GABRR1: variants seen among roughly 807,000 people sequenced by gnomAD.
GABRR1 encodes gamma-aminobutyric acid receptor subunit rho-1.
A neutral mutation model predicts 55.5 loss-of-function variants in GABRR1; 59 were observed. That is an observed-to-expected ratio of 1.06 (90% confidence interval 0.86 to 1.32). The LOEUF (loss-of-function observed/expected upper bound fraction) is 1.32, where lower values mean the gene tolerates loss of function less well. GABRR1 is among the 40% of genes most tolerant of loss of function. The pLI, the probability that GABRR1 is intolerant of heterozygous loss-of-function variation, is 0.00. For missense variants in GABRR1, 602 were observed against 619.1 expected (o/e 0.97, Z 0.29); for synonymous variants, 213 against 226.0 (o/e 0.94, Z 0.51).
At chr6:89,229,479 A>T (rs958429885) in intron 1 of GABRR1, among the ~76,000 whole-genome samples, 1 of 148,770 alleles carries the variant, frequency 6.7e-6, no homozygotes, top group Non-Finnish European at 1.5e-5. Flanking sequence ...ATCTCTCAGC[A>T]TTTGCTTGTC....
chr6:89,225,014 C>T (rs1285611225), intron 1 of GABRR1, among the ~76,000 whole-genome samples: 2 of 152,200 alleles, frequency 1.3e-5, no homozygotes, highest in African/African-American at 2.4e-5. Flanking sequence ...AACTCCTGAC[C>T]TCGTGATCCA....
Position 89,187,580 on chromosome 6 carries a change from C to T in GABRR1, c.656-2130G>A, listed in dbSNP as rs538195463. 4.6e-5 allele frequency among the ~76,000 whole-genome samples: 7 copies of T among 152,250 alleles called. No homozygotes were observed. In the South Asian group the frequency reaches 6.2e-4, roughly 14 times the overall value. On this transcript the variant is annotated intron_variant, in intron 6 of 9. Coordinates refer to ENST00000454853, the MANE Select transcript of GABRR1 (RefSeq NM_002042.5). ...CATCTCCAGAACTCTTTTCATCTTC[C>T]CAAACTGAAGCTCCATACCCATTTA...
Position 89,204,652 on chromosome 6 carries a change from A to G in GABRR1, c.123-1167T>C, listed in dbSNP as rs549700280. 9 of 1,286,856 alleles carry G rather than the reference A, an allele frequency of 7.0e-6. No individual in the cohort carries two copies. The African/African-American group carries it at 1.2e-4, about 17-fold the overall frequency. The allele number at this position is 1,286,856 out of a possible 1,614,324, so 79.7% of individuals were successfully genotyped here. ...GTCACTGATGAAAGGAGGTTTGTCA[A>G]ATTCTGAGATGCCACTGCCTTTGCC... is the stretch of plus-strand genomic sequence containing the variant. On this transcript the variant is annotated intron_variant, in intron 1 of 9. Coordinates refer to ENST00000454853, the MANE Select transcript of GABRR1 (RefSeq NM_002042.5).
chr6:89,185,563 A>G (rs1771878388), intron 6 of GABRR1, 113 bp from the exon 7 acceptor site: 1 of 909,584 alleles, frequency 1.1e-6, no homozygotes, highest in Admixed American at 2.2e-5. Flanking sequence ...GGATTGTGAT[A>G]TGATAGTTTG....
intron 1 of GABRR1, among the ~76,000 whole-genome samples, chr6:89,213,141 C>T (rs1255624881): frequency 1.3e-5 from 2 of 152,112 alleles, no homozygotes; most frequent in African/African-American, 4.8e-5. Flanking sequence ...AGGTAAGGTG[C>T]ATAGGGAGTA....
upstream of GABRR1, chr6:89,217,582 C>A (rs931610371): frequency 2.8e-6 from 1 of 355,956 alleles, no homozygotes; most frequent in Non-Finnish European, 5.1e-6. Context: ...TTATTTTAGC[C>A]GGTCTAAATT....
At chr6:89,227,329 T>A (rs1773217552) in intron 1 of GABRR1, among the ~76,000 whole-genome samples, 1 of 50,592 alleles carries the variant, frequency 2.0e-5, no homozygotes, top group East Asian at 5.0e-4. Flanking sequence ...AGAGAGGGCA[T>A]CCCTGTCTTG....
At position 89,178,901 on chromosome 6, in the gene GABRR1, G is replaced by A; in HGVS notation, c.1309C>T (p.Gln437Ter). 2 of 1,614,162 alleles carry A rather than the reference G, an allele frequency of 1.2e-6. No homozygotes were observed. The highest frequency in any genetic ancestry group is 2.2e-5 in the South Asian group (2 of 91,076). Residue 437 changes from glutamine (Q) to a stop codon, truncating the protein, a stop_gained, in exon 10 of 10, where the codon CAG becomes TAG. Coordinates refer to ENST00000454853, the MANE Select transcript of GABRR1 (RefSeq NM_002042.5). LOFTEE classifies it high-confidence loss of function. ...LTLASERSSP[Q>*]RKSQRSSYVS... The stretch of plus-strand genomic sequence containing the variant: ...TAGCTGCTTCTCTGACTTTTCCTCT[G>A]TGGGGAGCTCCTCTCTGAGGCCAGG...
At chr6:89,207,537 T>C (rs969544330) in intron 1 of GABRR1, among the ~76,000 whole-genome samples, 5 of 152,154 alleles carry the variant, frequency 3.3e-5, no homozygotes, top group Admixed American at 2.6e-4. Context: ...AAGGCTGAGA[T>C]TCTGCTAACA....
At chr6:89,218,145 G>C (rs1773044220), upstream of GABRR1, among the ~76,000 whole-genome samples, 1 of 152,124 alleles carries the variant, frequency 6.6e-6, no homozygotes, top group African/African-American at 2.4e-5. Flanking sequence ...CAGTCTCAGA[G>C]CCTCGTGGAA....
chr6:89,197,420 AACCAC>A (rs1772332135), intron 5 of GABRR1, among the ~76,000 whole-genome samples: 1 of 152,194 alleles, frequency 6.6e-6, no homozygotes, highest in African/African-American at 2.4e-5. Flanking sequence ...GCAGCCTGAA[AACCAC>A]ACTGTGGAGC....
At chr6:89,180,071 G>A (rs1279332253) in intron 9 of GABRR1, among the ~76,000 whole-genome samples, 1 of 132,688 alleles carries the variant, frequency 7.5e-6, no homozygotes, top group Non-Finnish European at 1.6e-5. Flanking sequence ...TATGTGGTAG[G>A]TGCAAAAAAA....
chr6:89,195,087 T>C (rs998512520), intron 5 of GABRR1, among the ~76,000 whole-genome samples: 2 of 152,110 alleles, frequency 1.3e-5, no homozygotes, highest in Non-Finnish European at 2.9e-5. Context: ...TCCAGGCATA[T>C]AGTAATCCAT....
intron 1 of GABRR1, among the ~76,000 whole-genome samples, chr6:89,207,184 A>C (rs1772675586): frequency 6.6e-6 from 1 of 152,000 alleles, no homozygotes; most frequent in South Asian, 2.1e-4. Flanking sequence ...AGCAAGATTA[A>C]ATTTTTTTTT....
chr6:89,192,099 G>A (rs1419074465), intron 5 of GABRR1, among the ~76,000 whole-genome samples: 4 of 151,972 alleles, frequency 2.6e-5, no homozygotes, highest in African/African-American at 7.3e-5. Flanking sequence ...GCCTATCTCC[G>A]ATCTCTTCCC....
At chr6:89,200,584 AT>A (rs11449903) in intron 3 of GABRR1, among the ~76,000 whole-genome samples, 148 of 150,804 alleles carry the variant, frequency 9.8e-4, no homozygotes, top group African/African-American at 3.5e-3. Context: ...TAAAATGAGT[AT>A]TTTTTTTTCC....
intron 1 of GABRR1, among the ~76,000 whole-genome samples, chr6:89,206,883 G>A (rs1229952506): frequency 6.6e-6 from 1 of 152,138 alleles, no homozygotes; most frequent in African/African-American, 2.4e-5. Context: ...CTCACACAGT[G>A]TTGGGATTAT....
chr6:89,199,504 G>A (rs771761605), intron 3 of GABRR1, 75 bp from the exon 4 acceptor site: 61 of 1,393,190 alleles, frequency 4.4e-5, no homozygotes, highest in East Asian at 2.1e-4. Flanking sequence ...GGCAAAAGGA[G>A]CATTTCCCCT....
intron 1 of GABRR1, among the ~76,000 whole-genome samples, chr6:89,210,318 C>T (rs1466460890): frequency 6.6e-6 from 1 of 151,338 alleles, no homozygotes; most frequent in Non-Finnish European, 1.5e-5. Context: ...CTCAGCCTCC[C>T]GAGTAGCTAG....
Sources: allele counts gnomAD v4.1 joint callset (sites outside exome capture counted in the v4.1 genomes callset), GRCh38; gene constraint gnomAD v4.1.1; transcripts MANE v1.5; gene names NCBI Gene and HGNC (gene_info 2026-07-23, HGNC 2026-07-21).